Variants in PRKD1 observed in about 807,000 individuals in gnomAD.
PRKD1 encodes protein kinase D1.
In PRKD1, 63 loss-of-function variants were observed where a neutral mutation model predicts 95.9. The observed-to-expected ratio is 0.66, with a 90% CI of 0.54 to 0.81. PRKD1 has a LOEUF of 0.81. PRKD1 is among the 30% of genes least tolerant of loss of function. The pLI, the probability that PRKD1 is intolerant of heterozygous loss-of-function variation, is 0.00. For missense variants in PRKD1, 1,048 were observed against 1,165.3 expected (o/e 0.90, Z 1.47); for synonymous variants, 425 against 423.1 (o/e 1.00, Z -0.05).
chr14:29,796,688 A>C (rs961618575), intron 1 of PRKD1, among the ~76,000 whole-genome samples: 1 of 152,158 alleles, frequency 6.6e-6, no homozygotes. Context: ...TGGATAGGTC[A>C]AGTAAGATGA....
At chr14:29,673,695 T>C (rs1356535591) in intron 2 of PRKD1, among the ~76,000 whole-genome samples, 4 of 152,252 alleles carry the variant, frequency 2.6e-5, no homozygotes, top group Non-Finnish European at 5.9e-5. Flanking sequence ...TCTAAGGCTC[T>C]ACATTTTATT....
chr14:29,725,051 T>C (rs959034385), intron 2 of PRKD1, among the ~76,000 whole-genome samples: 6 of 152,194 alleles, frequency 3.9e-5, no homozygotes, highest in Non-Finnish European at 7.3e-5. Context: ...GACCTGACCT[T>C]CTCTAACTCC....
chr14:29,699,098 A>G (rs546438178), intron 2 of PRKD1, among the ~76,000 whole-genome samples: 1 of 152,328 alleles, frequency 6.6e-6, no homozygotes, highest in African/African-American at 2.4e-5. Flanking sequence ...ACCAATGGGT[A>G]CTTACCATAG....
At chr14:29,722,829 T>G (rs994079867) in intron 2 of PRKD1, among the ~76,000 whole-genome samples, 1 of 152,122 alleles carries the variant, frequency 6.6e-6, no homozygotes, top group Admixed American at 6.6e-5. Context: ...TGAAACTCCA[T>G]CAAAGTGTGG....
At chr14:29,663,058 T>C (rs576230741) in intron 4 of PRKD1, among the ~76,000 whole-genome samples, 1 of 146,220 alleles carries the variant, frequency 6.8e-6, no homozygotes, top group Non-Finnish European at 1.5e-5. Flanking sequence ...TTTATTTGCA[T>C]ATTTTATATA....
intron 1 of PRKD1, 124 bp from the exon 2 acceptor site, chr14:29,725,798 T>C: frequency 2.2e-6 from 2 of 923,610 alleles, no homozygotes; most frequent in Non-Finnish European, 3.0e-6. Flanking sequence ...CATTAAAATA[T>C]TTTAAAATTA....
At chr14:29,819,632 G>A (rs553178119) in intron 1 of PRKD1, among the ~76,000 whole-genome samples, 42 of 152,274 alleles carry the variant, frequency 2.8e-4, no homozygotes, top group Admixed American at 7.2e-4. Flanking sequence ...AGAGCTTGCA[G>A]TGAGCCGAGA....
intron 1 of PRKD1, among the ~76,000 whole-genome samples, chr14:29,868,868 T>TA (rs1364228777): frequency 2.6e-5 from 4 of 152,188 alleles, no homozygotes; most frequent in Admixed American, 2.6e-4. Context: ...GGCCAATCGA[T>TA]ACGGACACAA....
chr14:29,771,795 C>T (rs1888520347), intron 1 of PRKD1, among the ~76,000 whole-genome samples: 1 of 152,202 alleles, frequency 6.6e-6, no homozygotes, highest in South Asian at 2.1e-4. Context: ...CTAACCCTCA[C>T]CCCAGTGTGC....
chr14:29,669,970 T>G (rs1046053329), intron 2 of PRKD1, among the ~76,000 whole-genome samples: 3 of 152,212 alleles, frequency 2.0e-5, no homozygotes, highest in Admixed American at 1.3e-4. Context: ...TGATCACTAC[T>G]CACAATCAGT....
intron 1 of PRKD1, among the ~76,000 whole-genome samples, chr14:29,775,602 G>C (rs1052916914): frequency 6.6e-6 from 1 of 152,144 alleles, no homozygotes; most frequent in Non-Finnish European, 1.5e-5. Flanking sequence ...TTGGGGAGGG[G>C]CATCCACCAT....
intron 2 of PRKD1, among the ~76,000 whole-genome samples, chr14:29,724,124 A>G (rs1594460506): frequency 1.3e-5 from 2 of 152,332 alleles, no homozygotes; most frequent in South Asian, 2.1e-4. Flanking sequence ...GTCCTCTCCT[A>G]CATAAATACA....
intron 1 of PRKD1, among the ~76,000 whole-genome samples, chr14:29,793,303 A>C (rs900633172): frequency 6.6e-6 from 1 of 152,060 alleles, no homozygotes; most frequent in Non-Finnish European, 1.5e-5. Flanking sequence ...GTCCACAGGA[A>C]AAAACAAAAA....
At chr14:29,811,059 T>G (rs1418002500) in intron 1 of PRKD1, among the ~76,000 whole-genome samples, 1 of 152,336 alleles carries the variant, frequency 6.6e-6, no homozygotes, top group Non-Finnish European at 1.5e-5. Flanking sequence ...GTATAGTAAA[T>G]GATTGCTGAA....
intron 16 of PRKD1, among the ~76,000 whole-genome samples, chr14:29,579,156 T>C (rs906562540): frequency 6.6e-6 from 1 of 151,900 alleles, no homozygotes; most frequent in Admixed American, 6.6e-5. Context: ...CTGAAAATCA[T>C]CCTAGTTACC....
intron 1 of PRKD1, among the ~76,000 whole-genome samples, chr14:29,838,914 A>T (rs1424772971): frequency 6.6e-6 from 1 of 152,190 alleles, no homozygotes; most frequent in Non-Finnish European, 1.5e-5. Context: ...AAAAACAAAC[A>T]TCAAATTTAT....
intron 1 of PRKD1, among the ~76,000 whole-genome samples, chr14:29,794,688 C>A (rs1889730846): frequency 6.6e-6 from 1 of 152,000 alleles, no homozygotes; most frequent in African/African-American, 2.4e-5. Flanking sequence ...CCCTTCCCTC[C>A]CCTCTTATAA....
chr14:29,614,169 A>G (rs1159418388), intron 13 of PRKD1, among the ~76,000 whole-genome samples: 1 of 152,210 alleles, frequency 6.6e-6, no homozygotes, highest in African/African-American at 2.4e-5. Context: ...GGGGAGAAAA[A>G]TACTTTCTTC....
chr14:29,838,185 G>C lies in PRKD1; in HGVS notation c.264+89064C>G, dbSNP rs1891685206. Reference sequence around the variant, plus strand: ...AGGTTTTAGGGGGATGAAATTTTTGGACCCCTAAATATGGGAAAATGCCTG... The same window carrying C: ...AGGTTTTAGGGGGATGAAATTTTTGCACCCCTAAATATGGGAAAATGCCTG... On this transcript the variant is annotated intron_variant, in intron 1 of 17. Transcript: ENST00000331968. Among the ~76,000 whole-genome samples, 3 of 151,986 alleles carry C rather than the reference G, an allele frequency of 2.0e-5. No individual in the cohort carries two copies. The South Asian group carries it at 6.2e-4, about 31-fold the overall frequency.
Sources: allele counts gnomAD v4.1 joint callset (sites outside exome capture counted in the v4.1 genomes callset), GRCh38; gene constraint gnomAD v4.1.1; transcripts MANE v1.5; gene names NCBI Gene and HGNC (gene_info 2026-07-23, HGNC 2026-07-21).